Variants in TFB1M observed in about 807,000 individuals in gnomAD.
The protein encoded by TFB1M is dimethyladenosine transferase 1, mitochondrial.
TFB1M carries 27 observed loss-of-function variants against 31.1 expected under a neutral mutation model. The ratio of observed to expected loss-of-function variants is 0.87; its 90% CI spans 0.64 to 1.20. TFB1M has a LOEUF of 1.20. Ranked by LOEUF, TFB1M falls within the 50% of genes most tolerant of loss-of-function variation. The pLI, the probability that TFB1M is intolerant of heterozygous loss-of-function variation, is 0.00. For synonymous variants in TFB1M, 166 were observed against 151.8 expected (o/e 1.09, Z -0.69); for missense variants, 394 against 418.7 (o/e 0.94, Z 0.51).
At chr6:155,237,527 C>A in the TFB1M span, among the ~76,000 whole-genome samples, 1 of 152,252 alleles carries the variant, frequency 6.6e-6, no homozygotes. Flanking sequence ...CTGCACTGCC[C>A]TAGTGGAGGT....
intron 5 of TFB1M, among the ~76,000 whole-genome samples, chr6:155,264,532 G>T (rs934974563): frequency 6.6e-6 from 1 of 152,048 alleles, no homozygotes; most frequent in Non-Finnish European, 1.5e-5. Flanking sequence ...TCAACTACAC[G>T]GTCAGTACCT....
At position 155,256,298 on chromosome 6, in the gene TFB1M, A is replaced by C; in HGVS notation, c.*1538T>G. 1 of 827,332 alleles carries C rather than the reference A, an allele frequency of 1.2e-6. No homozygotes were observed. The highest frequency in any genetic ancestry group is 1.8e-5 in the South Asian group (1 of 54,512). 51.2% of individuals were successfully genotyped at this position (827,332 alleles called of 1,614,324 possible). A position where few individuals can be genotyped will look rare whatever the true frequency, so the allele number is the denominator to read the frequency against. On this transcript the variant is annotated 3_prime_UTR_variant, in exon 7 of 7. Coordinates refer to ENST00000367166, the MANE Select transcript of TFB1M (RefSeq NM_016020.4). ...TGAATTGCCTAACTTACAACTGTAA[A>C]CCTAAGTCAAAAATGTCCATGTTTT...
downstream of TFB1M, chr6:155,253,125 A>C: frequency 1.5e-6 from 2 of 1,312,070 alleles, no homozygotes; most frequent in Middle Eastern, 1.8e-4. Context: ...TAAATTAAGA[A>C]AGGACCTTGG....
At chr6:155,253,095 G>A, downstream of TFB1M, 1 of 1,515,566 alleles carries the variant, frequency 6.6e-7, no homozygotes, top group Non-Finnish European at 9.1e-7. Context: ...AAGCATTTTA[G>A]TAGACTTAAC....
intron 5 of TFB1M, chr6:155,276,505 T>A: frequency 2.3e-6 from 2 of 854,134 alleles, no homozygotes; most frequent in Non-Finnish European, 3.6e-6. Context: ...CTTTAACAAC[T>A]ACAAAGTAGT....
chr6:155,268,986 TAAA>T (rs34268254), intron 5 of TFB1M, among the ~76,000 whole-genome samples: 17 of 128,396 alleles, frequency 1.3e-4, no homozygotes, highest in African/African-American at 4.7e-4. Context: ...ATTAAAAAAT[TAAA>T]AAAAAAAAAA....
Position 155,314,448 on chromosome 6 carries a change from C to A in TFB1M, c.-20G>T, listed in dbSNP as rs113023366. 2.5e-3 allele frequency: 3,962 copies of A among 1,614,024 alleles called. 95 individuals carry two copies. The African/African-American group carries it at 0.047, about 19-fold the overall frequency. On this transcript the variant is annotated 5_prime_UTR_variant, in exon 1 of 7. Transcript: ENST00000367166. ...AGCCATGATACGCGGCAAGCACCAT[C>A]CAACCCTACCTCACCCAGGACCTTC...
chr6:155,291,518 C>G (rs1041321997), intron 4 of TFB1M, among the ~76,000 whole-genome samples: 12 of 152,182 alleles, frequency 7.9e-5, no homozygotes, highest in Non-Finnish European at 1.5e-5. Flanking sequence ...TGCAACGGTC[C>G]TACGTTTTTA....
chr6:155,250,029 CCTT>C, the TFB1M span: 14 of 1,311,416 alleles, frequency 1.1e-5, no homozygotes, highest in South Asian at 1.9e-4. Context: ...CTGTAGGTGA[CCTT>C]CTAGATAGGC....
rs1777286948 is a variant in TFB1M at position 155,298,554 on chromosome 6, C to CATGACATGAACAGTG, written c.316_317insCACTGTTCATGTCAT (p.Arg106delinsThrLeuPheMetSerTer). ...TGTCAAGACATCTCCATGAACAATT[C>CATGACATGAACAGTG]TCAGTTTCCCAGGTGCTGCATCAGA... On this transcript the variant is annotated stop_gained and protein_altering_variant, in exon 3 of 7. Transcript: ENST00000367166. LOFTEE classifies it high-confidence loss of function. 1 of 1,613,224 alleles carries CATGACATGAACAGTG rather than the reference C, an allele frequency of 6.2e-7. No homozygotes were observed. Among genetic ancestry groups the CATGACATGAACAGTG allele is most frequent in the South Asian group, 1.1e-5 (1 of 91,070 alleles).
At chr6:155,307,635 A>G (rs1777839668) in intron 2 of TFB1M, among the ~76,000 whole-genome samples, 1 of 152,172 alleles carries the variant, frequency 6.6e-6, no homozygotes, top group Non-Finnish European at 1.5e-5. Context: ...CAAAGTATTT[A>G]CTGTGATAAA....
intron 4 of TFB1M, among the ~76,000 whole-genome samples, chr6:155,287,250 T>A (rs1776700032): frequency 6.6e-6 from 1 of 152,148 alleles, no homozygotes; most frequent in African/African-American, 2.4e-5. Flanking sequence ...GAGCTGAAGC[T>A]GTGTAAAACC....
chr6:155,256,534 A>T lies in TFB1M; in HGVS notation c.*1302T>A. 6.2e-7 allele frequency: 1 copy of T among 1,614,200 alleles called. No homozygotes were observed. The highest frequency in any genetic ancestry group is 1.1e-5 in the South Asian group (1 of 91,084). ...GAAGAATTCCTCCAGCAACGAGTGG[A>T]CCGGTGAGACTGGCAAGGGAACCTT... On this transcript the variant is annotated 3_prime_UTR_variant, in exon 7 of 7. Coordinates refer to ENST00000367166, the MANE Select transcript of TFB1M (RefSeq NM_016020.4).
At chr6:155,242,520 C>A in the TFB1M span, among the ~76,000 whole-genome samples, 1 of 152,150 alleles carries the variant, frequency 6.6e-6, no homozygotes, top group Non-Finnish European at 1.5e-5. Flanking sequence ...TGTCACAGGC[C>A]TTGCCTTTTG....
the TFB1M span, among the ~76,000 whole-genome samples, chr6:155,237,654 C>G: frequency 6.6e-6 from 1 of 152,228 alleles, no homozygotes; most frequent in Non-Finnish European, 1.5e-5. Flanking sequence ...CTTATGTGCA[C>G]TGGCAGGCTC....
At chr6:155,252,899 T>A, downstream of TFB1M, 1 of 1,516,298 alleles carries the variant, frequency 6.6e-7, no homozygotes, top group Non-Finnish European at 9.2e-7. Context: ...ACATCCTCCC[T>A]CAGTGACAGC....
intron 6 of TFB1M, 52 bp from the exon 7 acceptor site, chr6:155,258,134 A>AAATC: frequency 6.2e-7 from 1 of 1,600,430 alleles, no homozygotes; most frequent in African/African-American, 1.3e-5. Flanking sequence ...TAAATTCTGC[A>AAATC]AATCATGACA....
At chr6:155,254,010 G>A (rs780783163), downstream of TFB1M, 63 of 1,613,972 alleles carry the variant, frequency 3.9e-5, no homozygotes, top group Middle Eastern at 1.6e-4. Flanking sequence ...TGATCCATAC[G>A]AAGTCAGAAA....
chr6:155,256,275 A>C lies in TFB1M; in HGVS notation c.*1561T>G. The C allele has an allele frequency of 6.0e-6, 4 of 669,290 alleles. No individual in the cohort carries two copies. The highest frequency in any genetic ancestry group is 1.0e-5 in the Non-Finnish European group (4 of 399,908). The allele number at this position is 669,290 out of a possible 1,614,324, so 41.5% of individuals were successfully genotyped here. Reference sequence around the variant, plus strand: ...GAGCTCTGGTAATCTAAAAATGCTGAATTGCCTAACTTACAACTGTAAACC... The same window carrying C: ...GAGCTCTGGTAATCTAAAAATGCTGCATTGCCTAACTTACAACTGTAAACC... On this transcript the variant is annotated 3_prime_UTR_variant, in exon 7 of 7. Coordinates refer to ENST00000367166, the MANE Select transcript of TFB1M (RefSeq NM_016020.4).
Sources: gnomAD v4.1 joint callset for allele counts (sites outside exome capture counted in the v4.1 genomes callset) on GRCh38, gnomAD v4.1.1 for gene constraint, MANE v1.5 for transcripts, NCBI Gene and HGNC (gene_info 2026-07-23, HGNC 2026-07-21) for gene names.